The following GPRC5A variants were observed in gnomAD, a reference collection of about 807,000 sequenced individuals.
The protein encoded by GPRC5A is G protein-coupled receptor class C group 5 member A.
GPRC5A carries 19 observed loss-of-function variants against 22.5 expected under a neutral mutation model. That is an observed-to-expected ratio of 0.85 (90% confidence interval 0.59 to 1.24). The LOEUF (loss-of-function observed/expected upper bound fraction) is 1.24. GPRC5A is among the 50% of genes most tolerant of loss of function. GPRC5A has a pLI of 0.00. For missense variants in GPRC5A, 471 were observed against 451.1 expected, an observed-to-expected ratio of 1.04 and a Z score of -0.40; for synonymous variants, 192 against 184.5, an observed-to-expected ratio of 1.04 and a Z score of -0.33.
At chr12:12,912,184 C>T in intron 3 of GPRC5A, 42 bp downstream of exon 3, 2 of 1,333,704 alleles carry the variant, frequency 1.5e-6, no homozygotes, top group Non-Finnish European at 2.2e-6. Flanking sequence ...GGCATTAGCA[C>T]CTCAGGAACA....
chr12:12,892,973 T>C (rs1002569137), intron 1 of GPRC5A, among the ~76,000 whole-genome samples: 3 of 151,792 alleles, frequency 2.0e-5, no homozygotes, highest in Non-Finnish European at 4.4e-5. Context: ...AGGGAAGGAA[T>C]GAGGGGAAGG....
At chr12:12,897,550 C>T (rs3782576) in intron 1 of GPRC5A, among the ~76,000 whole-genome samples, 14,527 of 150,908 alleles carry the variant, frequency 0.096, 776 homozygotes, top group East Asian at 0.17. Context: ...GGAGAAAGGC[C>T]TTGAAGCTCA....
chr12:12,902,780 A>T lies in GPRC5A; in HGVS notation c.-7-5463A>T, dbSNP rs905016479. On this transcript the variant is annotated intron_variant, in intron 1 of 3. Transcript: ENST00000014914. Reference sequence around the variant, plus strand: ...AGTGAGAATCTATCTCAAAAAGAAAAAAAAGGGCTGGGCACGGTGGCTCAC... The same window carrying T: ...AGTGAGAATCTATCTCAAAAAGAAATAAAAGGGCTGGGCACGGTGGCTCAC... Among the ~76,000 whole-genome samples, 5 of 150,536 alleles carry T rather than the reference A, an allele frequency of 3.3e-5. No individual in the cohort carries two copies. The South Asian group carries it at 1.1e-3, about 32-fold the overall frequency.
chr12:12,908,522 G>T lies in GPRC5A; in HGVS notation c.273G>T (p.Gly91=), dbSNP rs1312340223. ...LTFAFIIGLD[G]STGPTRFFLF... ...TCGCCTTCATCATCGGACTGGACGGGAGCACAGGGCCCACACGCTTCTTCC... is the reference window on the plus strand; with the variant it reads ...TCGCCTTCATCATCGGACTGGACGGTAGCACAGGGCCCACACGCTTCTTCC... The change falls in exon 2 of 4, where the codon GGG becomes GGT. Residue 91 remains glycine, a synonymous_variant. Coordinates refer to ENST00000014914, the MANE Select transcript of GPRC5A (RefSeq NM_003979.4). 1 of 1,614,138 alleles carries T rather than the reference G, an allele frequency of 6.2e-7. No individual in the cohort carries two copies. Among genetic ancestry groups the T allele is most frequent in the Non-Finnish European group, 8.5e-7 (1 of 1,180,034 alleles).
Position 12,908,490 on chromosome 12 carries a change from C to T in GPRC5A, c.241C>T (p.Leu81Phe), listed in dbSNP as rs751962374. The T allele has an allele frequency of 1.2e-5, 19 of 1,613,980 alleles. 1 individual carries two copies. In the East Asian group the frequency reaches 4.0e-4, roughly 34 times the overall value. ...FLLGVLGIFG[L>F]TFAFIIGLDG... Reference sequence around the variant, plus strand: ...CCTGGGTGTGTTGGGCATCTTTGGCCTCACCTTCGCCTTCATCATCGGACT... The same window carrying T: ...CCTGGGTGTGTTGGGCATCTTTGGCTTCACCTTCGCCTTCATCATCGGACT... Residue 81 changes from leucine to phenylalanine, a missense_variant, in exon 2 of 4, where the codon CTC becomes TTC. Physicochemically the swap from Leu to Phe is conservative, Grantham distance 22. Transcript: ENST00000014914.
At chr12:12,900,874 G>T in intron 1 of GPRC5A, among the ~76,000 whole-genome samples, 1 of 36,234 alleles carries the variant, frequency 2.8e-5, no homozygotes, top group Non-Finnish European at 5.5e-5. Context: ...TGGGCAACAA[G>T]AGTAAAAACT....
At chr12:12,892,002 A>C (rs1418940109) in intron 1 of GPRC5A, 2 of 152,222 alleles carry the variant, frequency 1.3e-5, no homozygotes, top group East Asian at 3.9e-4. Flanking sequence ...ATCACTCTGC[A>C]GGAAAAGAAT....
chr12:12,900,922 A>C (rs867515435), intron 1 of GPRC5A, among the ~76,000 whole-genome samples: 7 of 143,676 alleles, frequency 4.9e-5, no homozygotes, highest in African/African-American at 1.4e-4. Flanking sequence ...AACAAAAAAA[A>C]AACAACCCAG....
chr12:12,897,437 C>T (rs915236511), intron 1 of GPRC5A, among the ~76,000 whole-genome samples: 11 of 151,976 alleles, frequency 7.2e-5, no homozygotes, highest in Admixed American at 2.6e-4. Context: ...CCCAAATTCC[C>T]TTCCAGATGG....
chr12:12,911,200 T>A (rs1468050594), intron 2 of GPRC5A, among the ~76,000 whole-genome samples: 2 of 152,042 alleles, frequency 1.3e-5, no homozygotes, highest in African/African-American at 4.8e-5. Context: ...CGTTTAAGTG[T>A]TTGTTCAGCA....
intron 1 of GPRC5A, among the ~76,000 whole-genome samples, chr12:12,897,897 A>G (rs1863840103): frequency 6.6e-6 from 1 of 152,032 alleles, no homozygotes. Flanking sequence ...GGTGTGAGCC[A>G]CTGCGCCCGG....
At chr12:12,900,620 G>A (rs541001758) in intron 1 of GPRC5A, among the ~76,000 whole-genome samples, 75 of 152,056 alleles carry the variant, frequency 4.9e-4, no homozygotes, top group Non-Finnish European at 8.4e-4. Context: ...TTTTGGGGCC[G>A]GGCACAGTGG....
chr12:12,893,738 TG>T (rs146929416), intron 1 of GPRC5A, among the ~76,000 whole-genome samples: 15,596 of 152,136 alleles, frequency 0.1, 843 homozygotes, highest in East Asian at 0.17. Flanking sequence ...AAGTGATTTT[TG>T]TTTTGTTTTG....
chr12:12,908,520 G>A lies in GPRC5A; in HGVS notation c.271G>A (p.Gly91Arg), dbSNP rs143190251. 9.4e-5 allele frequency: 152 copies of A among 1,614,024 alleles called. No homozygotes were observed. Among genetic ancestry groups the A allele is most frequent in the Non-Finnish European group, 1.2e-4 (144 of 1,180,038 alleles). Residue 91 changes from glycine to arginine, a missense_variant, in exon 2 of 4, where the codon GGG (glycine) becomes AGG (arginine). By Grantham distance (125) the Gly-to-Arg change is moderately radical. Transcript: ENST00000014914. Reference sequence around the variant, plus strand: ...CTTCGCCTTCATCATCGGACTGGACGGGAGCACAGGGCCCACACGCTTCTT... The same window carrying A: ...CTTCGCCTTCATCATCGGACTGGACAGGAGCACAGGGCCCACACGCTTCTT... ...LTFAFIIGLD[G>R]STGPTRFFLF... is the part of the protein sequence containing the mutation.
Position 12,892,490 on chromosome 12 carries a change from C to G in GPRC5A, c.-8+826C>G, listed in dbSNP as rs1309534966. On this transcript the variant is annotated intron_variant, in intron 1 of 3. Transcript: ENST00000014914. Reference sequence around the variant, plus strand: ...TCAAGCGATTCTCCTGCCTCAGACTCCCGAGTAGCTGGGATTACAGGCATG... The same window carrying G: ...TCAAGCGATTCTCCTGCCTCAGACTGCCGAGTAGCTGGGATTACAGGCATG... 2.6e-5 allele frequency among the ~76,000 whole-genome samples: 4 copies of G among 152,296 alleles called. No individual in the cohort carries two copies. In the East Asian group the frequency reaches 5.8e-4, roughly 22 times the overall value.
intron 1 of GPRC5A, among the ~76,000 whole-genome samples, chr12:12,892,707 G>A (rs1390346192): frequency 5.9e-5 from 9 of 152,154 alleles, no homozygotes; most frequent in Non-Finnish European, 1.2e-4. Context: ...CTAGCTAACA[G>A]CTGAAACCTG....
In GPRC5A at chr12:12,913,865, G is replaced by A. The variant is rs1467130990; in HGVS notation, c.*1326G>A. 6.6e-6 allele frequency: 1 copy of A among 152,164 alleles called. No homozygotes were observed. Among genetic ancestry groups the A allele is most frequent in the African/African-American group, 2.4e-5 (1 of 41,436 alleles). 9.4% of individuals were successfully genotyped at this position (152,164 alleles called of 1,614,324 possible). ...GAGCCAGGATCATCACGGGGCCTGA[G>A]GTTTTACTCCAGAAAAGCAGAGGAG... On this transcript the variant is annotated 3_prime_UTR_variant, in exon 4 of 4. Transcript: ENST00000014914.
rs1565463542 is a variant in GPRC5A at position 12,900,905 on chromosome 12, A to AAAC, written c.-7-7336_-7-7335insCAA. Among the ~76,000 whole-genome samples, 1,234 of 123,142 alleles carry AAAC rather than the reference A, an allele frequency of 0.01. 56 individuals are homozygous for AAAC. The East Asian group carries it at 0.14, about 14-fold the overall frequency. The allele number at this position is 123,142 out of a possible 152,430, so 80.8% of individuals were successfully genotyped here. ...AAACTCCGTCTCAAAAAAAAAAAAA[A>AAAC]AAAAAAAACAAAAAAAAAACAACCC... On this transcript the variant is annotated intron_variant, in intron 1 of 3. Coordinates refer to ENST00000014914, the MANE Select transcript of GPRC5A (RefSeq NM_003979.4).
chr12:12,900,548 T>C (rs562173796), intron 1 of GPRC5A, among the ~76,000 whole-genome samples: 1 of 152,236 alleles, frequency 6.6e-6, no homozygotes, highest in African/African-American at 2.4e-5. Context: ...TCCTCCCTCT[T>C]CCTCTTGTTC....
Sources: gnomAD v4.1 joint callset for allele counts (sites outside exome capture counted in the v4.1 genomes callset) on GRCh38, gnomAD v4.1.1 for gene constraint, MANE v1.5 for transcripts, NCBI Gene and HGNC (gene_info 2026-07-23, HGNC 2026-07-21) for gene names.